Variants in ATR observed in about 807,000 individuals in gnomAD.
The protein encoded by ATR is ATR checkpoint kinase, also known as serine/threonine-protein kinase ATR.
A neutral mutation model predicts 305.3 loss-of-function variants in ATR; 142 were observed. The observed-to-expected ratio is 0.47, with a 90% CI of 0.41 to 0.53. The LOEUF is 0.53. Among genes scored for constraint, ATR ranks in the 20% least tolerant of loss-of-function variants. The probability of loss-of-function intolerance (pLI) is 0.00; values close to 1 mark genes in which losing one functional copy is unlikely to be tolerated. For synonymous variants in ATR, 1,050 were observed against 1,068.1 expected, an observed-to-expected ratio of 0.98 and a Z score of 0.33; for missense variants, 2,135 against 3,133.1, an observed-to-expected ratio of 0.68 and a Z score of 7.60.
At chr3:142,526,793 GT>G (rs577390491) in intron 21 of ATR, among the ~76,000 whole-genome samples, 114 of 140,050 alleles carry the variant, frequency 8.1e-4, no homozygotes, top group Middle Eastern at 7.4e-3. Context: ...GTTTGTTTTT[GT>G]TTTTTTTTTT....
At chr3:142,537,827 G>C (rs561351342) in intron 19 of ATR, among the ~76,000 whole-genome samples, 1 of 152,148 alleles carries the variant, frequency 6.6e-6, no homozygotes, top group Non-Finnish European at 1.5e-5. Context: ...AATAATGCAT[G>C]TTCTGTCAAT....
At chr3:142,524,297 T>C in intron 21 of ATR, 98 bp from the exon 22 acceptor site, 8 of 1,174,532 alleles carry the variant, frequency 6.8e-6, no homozygotes, top group Non-Finnish European at 9.6e-6. Context: ...ATATCTAACA[T>C]AAATATTGAC....
At chr3:142,496,289 T>TACATATATATATACATATATATAC (rs1559937428) in intron 34 of ATR, 72 bp downstream of exon 34, 1 of 26,162 alleles carries the variant, frequency 3.8e-5, no homozygotes, top group Non-Finnish European at 6.4e-5. Context: ...TATATATATA[T>TACATATATATATACATATATATAC]ATATATATAT....
intron 1 of ATR, among the ~76,000 whole-genome samples, chr3:142,576,173 G>A (rs1433696155): frequency 6.6e-6 from 1 of 152,144 alleles, no homozygotes; most frequent in Non-Finnish European, 1.5e-5. Flanking sequence ...ACTAACTTAT[G>A]GATTATTAAG....
chr3:142,450,686 T>C, intron 46 of ATR: 6 of 1,596,110 alleles, frequency 3.8e-6, no homozygotes, highest in South Asian at 1.1e-5. Flanking sequence ...AAAATCCTGA[T>C]TAAGGGTGCA....
At chr3:142,466,189 T>C in intron 40 of ATR, 135 bp downstream of exon 40, 1 of 1,042,040 alleles carries the variant, frequency 9.6e-7, no homozygotes, top group Non-Finnish European at 1.4e-6. Flanking sequence ...AGTTTAGTTT[T>C]ACTCTTCTGT....
chr3:142,452,666 T>C, intron 46 of ATR: 1 of 1,017,988 alleles, frequency 9.8e-7, no homozygotes, highest in Middle Eastern at 4.9e-4. Context: ...AGAGCGAGAC[T>C]CTGTCTCAAA....
Position 142,459,347 on chromosome 3 carries a change from A to C in ATR, c.7229T>G (p.Met2410Arg). The change falls in exon 43 of 47, where the codon ATG becomes AGG. Residue 2410 changes from methionine (M) to arginine (R), a missense_variant. Physicochemically the swap from Met to Arg is moderately conservative, Grantham distance 91. Around this residue, in one of 9 missense-constraint regions of ATR, gnomAD observed 462 missense variants for 887.6 expected, o/e 0.52. Transcript: ENST00000350721. ...YMTGKELRQC[M>R]LPKSAALSEK... ...AGATAAAGCTGCTGACTTTGGTAGCATACACTGGCGAAGTTCTTTTCCTGT... is the reference window on the plus strand; with the variant it reads ...AGATAAAGCTGCTGACTTTGGTAGCCTACACTGGCGAAGTTCTTTTCCTGT... 1 of 1,614,024 alleles carries C rather than the reference A, an allele frequency of 6.2e-7. No individual in the cohort carries two copies. Among genetic ancestry groups the C allele is most frequent in the Non-Finnish European group, 8.5e-7 (1 of 1,179,880 alleles).
In ATR at chr3:142,452,547, G is replaced by A. The variant is rs146289986; in HGVS notation, c.7761+581C>T. On this transcript the variant is annotated intron_variant, in intron 46 of 46. Transcript: ENST00000350721. The stretch of plus-strand genomic sequence containing the variant: ...TAATTAGCCAGCTGTGGTGGTGCAC[G>A]CTTATAATCCCAGCTACTTGGGAGG... 75 of 594,694 alleles carry A rather than the reference G, an allele frequency of 1.3e-4. 1 individual carries two copies. The highest frequency in any genetic ancestry group is 1.2e-3 in the African/African-American group (59 of 49,240). 36.8% of individuals were successfully genotyped at this position (594,694 alleles called of 1,614,324 possible). A position where few individuals can be genotyped will look rare whatever the true frequency, so the allele number is the denominator to read the frequency against.
At chr3:142,471,630 CAAAT>C (rs2071269729) in intron 36 of ATR, among the ~76,000 whole-genome samples, 1 of 152,024 alleles carries the variant, frequency 6.6e-6, no homozygotes, top group Non-Finnish European at 1.5e-5. Flanking sequence ...TTTAAATCAA[CAAAT>C]AAAAATTGTG....
chr3:142,477,084 ATTTC>A (rs1559920459), intron 36 of ATR, among the ~76,000 whole-genome samples: 1 of 152,088 alleles, frequency 6.6e-6, no homozygotes, highest in African/African-American at 2.4e-5. Context: ...AATGCCCTTT[ATTTC>A]TTTCTCCTGC....
chr3:142,524,295 C>A (rs770113044), intron 21 of ATR, 96 bp from the exon 22 acceptor site: 6 of 1,186,610 alleles, frequency 5.1e-6, no homozygotes, highest in Non-Finnish European at 7.1e-6. Flanking sequence ...GAATATCTAA[C>A]ATAAATATTG....
chr3:142,466,223 A>C, intron 40 of ATR, 101 bp downstream of exon 40: 1 of 1,300,874 alleles, frequency 7.7e-7, no homozygotes, highest in East Asian at 2.5e-5. Flanking sequence ...TTTCTTCACA[A>C]ATAAGATTCA....
intron 15 of ATR, among the ~76,000 whole-genome samples, chr3:142,549,025 A>T (rs1251835291): frequency 1.3e-5 from 2 of 151,008 alleles, no homozygotes; most frequent in African/African-American, 4.9e-5. Flanking sequence ...TGTTAATATG[A>T]CACCAAAAAA....
At chr3:142,480,461 G>A (rs1250054460) in intron 36 of ATR, among the ~76,000 whole-genome samples, 1 of 152,218 alleles carries the variant, frequency 6.6e-6, no homozygotes, top group Non-Finnish European at 1.5e-5. Flanking sequence ...TCGTCTCAAA[G>A]GGGTACCCGG....
intron 31 of ATR, 125 bp downstream of exon 31, chr3:142,499,502 G>A (rs541166856): frequency 1.1e-4 from 86 of 818,922 alleles, no homozygotes; most frequent in Non-Finnish European, 1.5e-4. Flanking sequence ...CACTGTGTTA[G>A]CCAGGATGGT....
intron 45 of ATR, among the ~76,000 whole-genome samples, chr3:142,454,839 AGACT>A (rs1371549892): frequency 2.0e-5 from 3 of 152,230 alleles, no homozygotes; most frequent in Non-Finnish European, 2.9e-5. Context: ...TAAAAGTCAA[AGACT>A]GACTGCTCTA....
intron 16 of ATR, among the ~76,000 whole-genome samples, chr3:142,544,135 G>A (rs1053366263): frequency 6.6e-6 from 1 of 152,026 alleles, no homozygotes; most frequent in Non-Finnish European, 1.5e-5. Context: ...ACCACCTACT[G>A]CATAGAGTTG....
intron 19 of ATR, among the ~76,000 whole-genome samples, chr3:142,536,586 A>G (rs938985790): frequency 3.3e-5 from 5 of 152,122 alleles, no homozygotes; most frequent in African/African-American, 1.2e-4. Flanking sequence ...TGTTCTGGAG[A>G]GCCCTGAGTC....
Sources: gnomAD v4.1 joint callset for allele counts (sites outside exome capture counted in the v4.1 genomes callset) on GRCh38, gnomAD v4.1.1 for gene constraint, gnomAD v4.1.1 regional missense constraint, MANE v1.5 for transcripts, NCBI Gene and HGNC (gene_info 2026-07-23, HGNC 2026-07-21) for gene names.